Variants in TSFM observed in about 807,000 individuals in gnomAD.
The protein encoded by TSFM is elongation factor Ts, mitochondrial.
In TSFM, 29 loss-of-function variants were observed where a neutral mutation model predicts 33.4. The ratio of observed to expected loss-of-function variants is 0.87; its 90% CI spans 0.65 to 1.18. TSFM has a LOEUF of 1.18. Among genes scored for constraint, TSFM ranks in the 50% most tolerant of loss-of-function variants. The probability of loss-of-function intolerance (pLI) is 0.00; values close to 1 mark genes in which losing one functional copy is unlikely to be tolerated. For synonymous variants in TSFM, 178 were observed against 163.5 expected, an observed-to-expected ratio of 1.09 and a Z score of -0.68; for missense variants, 394 against 395.6, an observed-to-expected ratio of 1.00 and a Z score of 0.04.
At chr12:57,789,765 G>A (rs981563254) in intron 4 of TSFM, among the ~76,000 whole-genome samples, 1 of 152,082 alleles carries the variant, frequency 6.6e-6, no homozygotes, top group Non-Finnish European at 1.5e-5. Flanking sequence ...TTGACTCGTG[G>A]GTTCTTATTT....
chr12:57,787,845 T>G (rs1269761826), intron 4 of TSFM, among the ~76,000 whole-genome samples: 2 of 151,958 alleles, frequency 1.3e-5, no homozygotes, highest in Non-Finnish European at 2.9e-5. Context: ...GAGAATCGCT[T>G]GAACCCGGGA....
intron 4 of TSFM, 115 bp from the exon 5 acceptor site, chr12:57,792,871 C>T (rs960347398): frequency 1.3e-5 from 13 of 991,262 alleles, no homozygotes; most frequent in African/African-American, 8.3e-5. Context: ...GGATTACAGG[C>T]GTGAGCCACC....
chr12:57,785,300 C>T (rs575654687), intron 2 of TSFM, among the ~76,000 whole-genome samples: 2 of 152,252 alleles, frequency 1.3e-5, no homozygotes, highest in Non-Finnish European at 2.9e-5. Context: ...TAGGCCTACA[C>T]AGGAGTGGCA....
At chr12:57,793,132 T>C in intron 5 of TSFM, 59 bp downstream of exon 5, 1 of 1,440,618 alleles carries the variant, frequency 6.9e-7, no homozygotes, top group Non-Finnish European at 9.7e-7. Flanking sequence ...CTTGTTATCT[T>C]GTTCCTCCAA....
chr12:57,801,219 A>G, downstream of TSFM: 1 of 1,612,018 alleles, frequency 6.2e-7, no homozygotes, highest in Non-Finnish European at 8.5e-7. Flanking sequence ...CTGCCTGAGA[A>G]GAAGAGAGAG....
rs10747783 is a variant in TSFM at position 57,782,831 on chromosome 12, T to C, written c.30T>C (p.Phe10=). Residue 10 remains phenylalanine, a synonymous_variant, in exon 1 of 6, where the codon TTT becomes TTC. Transcript: ENST00000652027. The part of the protein sequence containing the change: MSLLRSLRV[F]LVARTGSYPA... ...CGCTGCTGCGGTCGCTGCGCGTGTT[T>C]CTGGTCGCGCGGACCGGGAGCTACC... is the stretch of plus-strand genomic sequence containing the variant. 0.34 allele frequency: 539,274 copies of C among 1,594,138 alleles called. 99,343 individuals carry two copies. Among genetic ancestry groups the C allele is most frequent in the East Asian group, 0.7 (30,506 of 43,756 alleles).
downstream of TSFM, among the ~76,000 whole-genome samples, chr12:57,798,331 G>A (rs1464561421): frequency 6.6e-6 from 1 of 152,150 alleles, no homozygotes; most frequent in Non-Finnish European, 1.5e-5. Flanking sequence ...ACTAAATTGA[G>A]CTATGGTTTT....
In TSFM at chr12:57,797,504, G is replaced by T; in HGVS notation, c.*921G>T. The T allele has an allele frequency of 1.0e-6, 1 of 974,868 alleles. No individual in the cohort carries two copies. The highest frequency in any genetic ancestry group is 1.2e-6 in the Non-Finnish European group (1 of 820,294). The allele number at this position is 974,868 out of a possible 1,614,324, so 60.4% of individuals were successfully genotyped here. Reference sequence around the variant, plus strand: ...TGATTTACAGGCTAAATAGATTTTAGAAATAATCATCTTAAAATTGAAAAC... The same window carrying T: ...TGATTTACAGGCTAAATAGATTTTATAAATAATCATCTTAAAATTGAAAAC... On this transcript the variant is annotated 3_prime_UTR_variant, in exon 6 of 6. Coordinates refer to ENST00000652027, the MANE Select transcript of TSFM (RefSeq NM_005726.6).
At chr12:57,799,885 A>G (rs1185338622), downstream of TSFM, 2 of 1,614,168 alleles carry the variant, frequency 1.2e-6, no homozygotes, top group Non-Finnish European at 1.7e-6. Flanking sequence ...GCTCACTGTC[A>G]TTAGAATTCA....
rs747568228 is a variant in TSFM at position 57,796,415 on chromosome 12, C to T, written c.810C>T (p.Ser270=). 2 of 1,602,488 alleles carry T rather than the reference C, an allele frequency of 1.2e-6. No individual in the cohort carries two copies. The highest frequency in any genetic ancestry group is 1.1e-5 in the South Asian group (1 of 89,308). Residue 270 remains serine (S), a synonymous_variant, in exon 6 of 6, where the codon TCC becomes TCT. Coordinates refer to ENST00000652027, the MANE Select transcript of TSFM (RefSeq NM_005726.6). The part of the protein sequence containing the change: ...VVGMAPLSVG[S]LDDEPGGEAE... ...GCATGGCCCCCCTCTCTGTTGGCTC[C>T]CTGGACGATGAGCCTGGGGGAGAGG...
At chr12:57,800,785 T>G (rs1317321919), downstream of TSFM, 1 of 163,278 alleles carries the variant, frequency 6.1e-6, no homozygotes, top group East Asian at 1.8e-4. Context: ...TTTTCATATT[T>G]TTAGTAGAGA....
Position 57,796,832 on chromosome 12 carries a change from G to A in TSFM, c.*249G>A. 1 of 1,146,330 alleles carries A rather than the reference G, an allele frequency of 8.7e-7. No homozygotes were observed. The highest frequency in any genetic ancestry group is 1.1e-6 in the Non-Finnish European group (1 of 935,566). The allele number at this position is 1,146,330 out of a possible 1,614,324, so 71.0% of individuals were successfully genotyped here. On this transcript the variant is annotated 3_prime_UTR_variant, in exon 6 of 6. Coordinates refer to ENST00000652027, the MANE Select transcript of TSFM (RefSeq NM_005726.6). ...GAGAACAGGCATCAACAATACTGCT[G>A]CTCCCTTCAACATAGATTTATTATG...
intron 5 of TSFM, 71 bp from the exon 6 acceptor site, chr12:57,796,106 G>T (rs1355874601): frequency 2.1e-6 from 3 of 1,409,842 alleles, no homozygotes; most frequent in Admixed American, 4.7e-5. Flanking sequence ...GGCCTCTTCT[G>T]TGCATATTTT....
intron 2 of TSFM, chr12:57,783,830 G>A: frequency 1.6e-6 from 1 of 632,834 alleles, no homozygotes; most frequent in Non-Finnish European, 2.8e-6. Context: ...CGGCCAGGCT[G>A]GTCTCGAACT....
chr12:57,787,150 T>C lies in TSFM; in HGVS notation c.471T>C (p.Ser157=). ...GTCAGACCCTAAAGGATCAACCCTC[T>C]GCATACAGTAAAGTAAGTTTGGGAT... ...MHCQTLKDQP[S]AYSKGFLNSS... The change falls in exon 4 of 6, where the codon TCT becomes TCC. Residue 157 remains serine (S), a synonymous_variant. Coordinates refer to ENST00000652027, the MANE Select transcript of TSFM (RefSeq NM_005726.6). The C allele has an allele frequency of 6.3e-7, 1 of 1,578,664 alleles. No individual in the cohort carries two copies. The highest frequency in any genetic ancestry group is 8.6e-7 in the Non-Finnish European group (1 of 1,160,596).
intron 4 of TSFM, chr12:57,791,961 C>T: frequency 5.3e-6 from 2 of 375,264 alleles, no homozygotes; most frequent in Middle Eastern, 3.5e-4. Flanking sequence ...TTGTTCTTGG[C>T]CAGGTGCAGT....
chr12:57,786,110 T>G (rs1955587551), intron 2 of TSFM, 53 bp from the exon 3 acceptor site: 2 of 1,531,384 alleles, frequency 1.3e-6, no homozygotes, highest in South Asian at 2.5e-5. Context: ...GAACTACATT[T>G]AGTGCTAAAT....
downstream of TSFM, chr12:57,802,157 T>C (rs550654941): frequency 3.1e-6 from 5 of 1,613,784 alleles, no homozygotes; most frequent in East Asian, 1.1e-4. Context: ...TCTCTTTTCT[T>C]ACACTCCAAA....
downstream of TSFM, chr12:57,802,703 C>T (rs1259806973): frequency 3.3e-6 from 2 of 611,700 alleles, no homozygotes; most frequent in African/African-American, 1.8e-5. Flanking sequence ...TCTGAGTCTC[C>T]ACTTTTGATA....
Sources: allele counts gnomAD v4.1 joint callset (sites outside exome capture counted in the v4.1 genomes callset), GRCh38; gene constraint gnomAD v4.1.1; transcripts MANE v1.5; gene names NCBI Gene and HGNC (gene_info 2026-07-23, HGNC 2026-07-21).